Variants in WIPF3 observed in about 807,000 individuals in gnomAD.
The protein encoded by WIPF3 is WAS/WASL-interacting protein family member 3.
A neutral mutation model predicts 38.9 loss-of-function variants in WIPF3; 33 were observed. The ratio of observed to expected loss-of-function variants is 0.85; its 90% CI spans 0.64 to 1.14. The LOEUF is 1.14. Ranked by LOEUF, WIPF3 falls within the 50% of genes most tolerant of loss-of-function variation. WIPF3 has a pLI of 0.00. For synonymous variants in WIPF3, 324 were observed against 269.3 expected, an observed-to-expected ratio of 1.20 and a Z score of -1.99; for missense variants, 711 against 652.5, an observed-to-expected ratio of 1.09 and a Z score of -0.98.
At chr7:29,896,686 T>G (rs1786152854) in intron 7 of WIPF3, among the ~76,000 whole-genome samples, 1 of 152,204 alleles carries the variant, frequency 6.6e-6, no homozygotes, top group Non-Finnish European at 1.5e-5. Flanking sequence ...GAAGTGATGG[T>G]TGCACAACAC....
At chr7:29,865,132 G>A (rs1785363413) in intron 2 of WIPF3, among the ~76,000 whole-genome samples, 1 of 152,142 alleles carries the variant, frequency 6.6e-6, no homozygotes, top group African/African-American at 2.4e-5. Context: ...TGAGGAAATT[G>A]AGGCTTCAAA....
intron 7 of WIPF3, among the ~76,000 whole-genome samples, chr7:29,892,013 G>A (rs141638417): frequency 2.0e-5 from 3 of 152,320 alleles, no homozygotes; most frequent in East Asian, 1.9e-4. Flanking sequence ...TGCCGGAGGT[G>A]CAAGGTTGGG....
intron 2 of WIPF3, among the ~76,000 whole-genome samples, chr7:29,863,275 T>G (rs1167369155): frequency 6.6e-6 from 1 of 152,210 alleles, no homozygotes; most frequent in Non-Finnish European, 1.5e-5. Context: ...GCTCTTCCTT[T>G]ATTATCATTA....
At chr7:29,883,739 T>G in intron 4 of WIPF3, 111 bp from the exon 5 acceptor site, 1 of 1,390,200 alleles carries the variant, frequency 7.2e-7, no homozygotes, top group Non-Finnish European at 9.4e-7. Context: ...GAAAAAGCGG[T>G]CTACAGTGCA....
At chr7:29,874,871 C>T (rs1404624841) in intron 2 of WIPF3, among the ~76,000 whole-genome samples, 1 of 152,164 alleles carries the variant, frequency 6.6e-6, no homozygotes, top group Non-Finnish European at 1.5e-5. Flanking sequence ...ATCTTGCAGT[C>T]CATCAGACAC....
chr7:29,909,614 T>C (rs1786466037), intron 8 of WIPF3, among the ~76,000 whole-genome samples: 1 of 152,148 alleles, frequency 6.6e-6, no homozygotes, highest in Non-Finnish European at 1.5e-5. Flanking sequence ...ATAGAAAATC[T>C]GGCTGGGCAT....
At chr7:29,809,790 A>G (rs565914384) in intron 1 of WIPF3, among the ~76,000 whole-genome samples, 100 of 152,372 alleles carry the variant, frequency 6.6e-4, no homozygotes, top group African/African-American at 2.3e-3. Flanking sequence ...AAACTAAAGC[A>G]GAGTAAACGT....
chr7:29,837,489 G>A (rs974732521), intron 2 of WIPF3, among the ~76,000 whole-genome samples: 5 of 152,152 alleles, frequency 3.3e-5, no homozygotes, highest in African/African-American at 9.7e-5. Flanking sequence ...TATTTTATTA[G>A]GGAATTTCTT....
chr7:29,840,939 A>G (rs747715857), intron 2 of WIPF3, among the ~76,000 whole-genome samples: 7 of 152,170 alleles, frequency 4.6e-5, no homozygotes, highest in Non-Finnish European at 1.0e-4. Flanking sequence ...AAGGCACCTG[A>G]TCGGATATCA....
chr7:29,859,309 G>A (rs1410911153), intron 2 of WIPF3, among the ~76,000 whole-genome samples: 5 of 152,194 alleles, frequency 3.3e-5, no homozygotes, highest in South Asian at 2.1e-4. Context: ...CAAAAGGAGC[G>A]CTGGACCAGG....
intron 1 of WIPF3, among the ~76,000 whole-genome samples, chr7:29,806,887 C>T (rs1182595726): frequency 6.6e-6 from 1 of 151,414 alleles, no homozygotes. Context: ...ACGCCCCCCA[C>T]CCGCACCCTG....
chr7:29,816,442 C>T (rs1718033632), intron 1 of WIPF3, among the ~76,000 whole-genome samples: 1 of 152,068 alleles, frequency 6.6e-6, no homozygotes, highest in Non-Finnish European at 1.5e-5. Flanking sequence ...GCCTCAGCCT[C>T]CTGAGTAGCT....
At chr7:29,867,559 C>T (rs1420010645) in intron 2 of WIPF3, among the ~76,000 whole-genome samples, 1 of 142,892 alleles carries the variant, frequency 7.0e-6, no homozygotes, top group African/African-American at 2.6e-5. Context: ...GCCCCCTCCA[C>T]ACCCCAGCTT....
chr7:29,909,164 T>G (rs1786458335), intron 8 of WIPF3, among the ~76,000 whole-genome samples: 1 of 152,090 alleles, frequency 6.6e-6, no homozygotes, highest in Admixed American at 6.5e-5. Context: ...AGAGGGAGAT[T>G]TATAGCTATA....
At chr7:29,888,323 A>G (rs1194552131) in intron 6 of WIPF3, 106 bp downstream of exon 6, 7 of 1,416,478 alleles carry the variant, frequency 4.9e-6, no homozygotes, top group East Asian at 2.5e-5. Context: ...CTCAGGGTGC[A>G]TGCTTCTTTC....
chr7:29,808,856 A>G (rs977509545), intron 1 of WIPF3, among the ~76,000 whole-genome samples: 1 of 152,194 alleles, frequency 6.6e-6, no homozygotes, highest in African/African-American at 2.4e-5. Context: ...ACACATACAC[A>G]AAGAATAAAG....
At chr7:29,836,480 A>G (rs1784800272) in intron 2 of WIPF3, among the ~76,000 whole-genome samples, 1 of 152,214 alleles carries the variant, frequency 6.6e-6, no homozygotes. Context: ...ATGTGTATGT[A>G]TCATAGTTTT....
intron 1 of WIPF3, among the ~76,000 whole-genome samples, chr7:29,808,960 A>G (rs1774722011): frequency 6.6e-6 from 1 of 152,226 alleles, no homozygotes; most frequent in Non-Finnish European, 1.5e-5. Flanking sequence ...ACTTTTTTAC[A>G]TTCTAGAATT....
intron 2 of WIPF3, among the ~76,000 whole-genome samples, chr7:29,867,935 G>GT (rs1785420446): frequency 6.6e-6 from 1 of 152,114 alleles, no homozygotes; most frequent in Non-Finnish European, 1.5e-5. Flanking sequence ...GTTGCTCACA[G>GT]TTTTTTTAAG....
Sources: gnomAD v4.1 joint callset for allele counts (sites outside exome capture counted in the v4.1 genomes callset) on GRCh38, gnomAD v4.1.1 for gene constraint, MANE v1.5 for transcripts, NCBI Gene and HGNC (gene_info 2026-07-23, HGNC 2026-07-21) for gene names.